Variants in SYN3 observed in about 807,000 individuals in gnomAD.
SYN3 encodes the protein synapsin III.
In SYN3, 35 loss-of-function variants were observed where a neutral mutation model predicts 65.8. That is an observed-to-expected ratio of 0.53 (90% confidence interval 0.41 to 0.70). The LOEUF (loss-of-function observed/expected upper bound fraction) is 0.70. Among genes scored for constraint, SYN3 ranks in the 30% least tolerant of loss-of-function variants. The pLI, the probability that SYN3 is intolerant of heterozygous loss-of-function variation, is 0.00. For missense variants in SYN3, 680 were observed against 749.0 expected (o/e 0.91, Z 1.08); for synonymous variants, 270 against 292.9 (o/e 0.92, Z 0.80).
At chr22:32,970,431 C>T (rs552339120) in intron 3 of SYN3, among the ~76,000 whole-genome samples, 6 of 148,684 alleles carry the variant, frequency 4.0e-5, no homozygotes, top group African/African-American at 1.5e-4. Flanking sequence ...CACTTGAGCC[C>T]AGGAATTCAA....
At chr22:32,651,416 G>A (rs1043978756) in intron 6 of SYN3, among the ~76,000 whole-genome samples, 3 of 152,136 alleles carry the variant, frequency 2.0e-5, no homozygotes, top group Admixed American at 2.0e-4. Context: ...TGGCCTCTGG[G>A]TAGGGTTGTT....
intron 2 of SYN3, among the ~76,000 whole-genome samples, chr22:33,003,136 T>C (rs1306806806): frequency 6.6e-6 from 1 of 152,228 alleles, no homozygotes; most frequent in Non-Finnish European, 1.5e-5. Context: ...TTAAACCCGT[T>C]TTCCTTTATA....
At chr22:32,863,486 AG>A (rs1237376424) in intron 6 of SYN3, among the ~76,000 whole-genome samples, 1 of 152,134 alleles carries the variant, frequency 6.6e-6, no homozygotes, top group East Asian at 1.9e-4. Flanking sequence ...TGGGAACACC[AG>A]GAACTCATGA....
At chr22:32,897,679 G>A (rs2049632702) in intron 4 of SYN3, among the ~76,000 whole-genome samples, 1 of 152,188 alleles carries the variant, frequency 6.6e-6, no homozygotes, top group Non-Finnish European at 1.5e-5. Context: ...TGTGGAAAAT[G>A]AAGATCATAA....
At chr22:32,861,004 G>A (rs951822383) in intron 6 of SYN3, 2 of 151,546 alleles carry the variant, frequency 1.3e-5, no homozygotes, top group Non-Finnish European at 2.9e-5. Flanking sequence ...GTGAGATGCT[G>A]AGAGTAGGTG....
At chr22:32,798,258 C>T (rs1244907770) in intron 6 of SYN3, among the ~76,000 whole-genome samples, 1 of 152,050 alleles carries the variant, frequency 6.6e-6, no homozygotes, top group Non-Finnish European at 1.5e-5. Context: ...TGTACAAAGA[C>T]TCAAACGAAT....
chr22:32,597,969 A>G (rs1027986282), intron 6 of SYN3, among the ~76,000 whole-genome samples: 4 of 152,096 alleles, frequency 2.6e-5, no homozygotes, highest in African/African-American at 4.8e-5. Context: ...TCCCCCTTTC[A>G]TGTTGTTCAT....
chr22:32,591,235 T>A (rs961145883), intron 7 of SYN3, among the ~76,000 whole-genome samples: 10 of 147,740 alleles, frequency 6.8e-5, no homozygotes, highest in Admixed American at 5.4e-4. Context: ...TGGCTGCATT[T>A]AAAAAAAAAA....
intron 3 of SYN3, among the ~76,000 whole-genome samples, chr22:32,934,046 A>G (rs1200276133): frequency 6.6e-6 from 1 of 152,206 alleles, no homozygotes; most frequent in Non-Finnish European, 1.5e-5. Context: ...ACTGTGAATG[A>G]GTCCAGGTTA....
chr22:32,523,461 T>C lies in SYN3; in HGVS notation c.1318+4457A>G, dbSNP rs1191767754. Among the ~76,000 whole-genome samples, 4 of 152,138 alleles carry C rather than the reference T, an allele frequency of 2.6e-5. No homozygotes were observed. In the East Asian group the frequency reaches 7.7e-4, roughly 29 times the overall value. On this transcript the variant is annotated intron_variant, in intron 12 of 13. Coordinates refer to ENST00000358763, the MANE Select transcript of SYN3 (RefSeq NM_003490.4). ...CCAGGAGGCAGAGGTTGCAGTGAGCTGAGATTGTGCAACTGTACTCCAGCC... is the reference window on the plus strand; with the variant it reads ...CCAGGAGGCAGAGGTTGCAGTGAGCCGAGATTGTGCAACTGTACTCCAGCC...
At chr22:32,702,331 A>T (rs2147205145) in intron 6 of SYN3, among the ~76,000 whole-genome samples, 1 of 152,188 alleles carries the variant, frequency 6.6e-6, no homozygotes, top group East Asian at 1.9e-4. Context: ...CAAAAAAATT[A>T]GCCGGGCGTG....
chr22:32,981,809 A>G (rs2052382672), intron 2 of SYN3, among the ~76,000 whole-genome samples: 1 of 152,162 alleles, frequency 6.6e-6, no homozygotes, highest in South Asian at 2.1e-4. Flanking sequence ...AAGGATGTTT[A>G]TAGTGTTTTA....
At chr22:32,792,338 T>A (rs1448289656) in intron 6 of SYN3, among the ~76,000 whole-genome samples, 1 of 152,166 alleles carries the variant, frequency 6.6e-6, no homozygotes, top group East Asian at 1.9e-4. Flanking sequence ...TTTTGAGAGA[T>A]CGTTAAATCC....
At chr22:32,723,436 C>T (rs2061147316) in intron 6 of SYN3, among the ~76,000 whole-genome samples, 1 of 152,188 alleles carries the variant, frequency 6.6e-6, no homozygotes, top group East Asian at 1.9e-4. Context: ...TGGGGACTGC[C>T]TAGAATCTGG....
chr22:32,676,698 G>A (rs1468658702), intron 6 of SYN3, among the ~76,000 whole-genome samples: 16 of 133,458 alleles, frequency 1.2e-4, no homozygotes, highest in African/African-American at 2.9e-5. Flanking sequence ...CACCACTCCC[G>A]GTTAATTTTT....
intron 3 of SYN3, among the ~76,000 whole-genome samples, chr22:32,966,692 A>T (rs544825353): frequency 4.1e-4 from 62 of 152,258 alleles, no homozygotes; most frequent in African/African-American, 1.4e-3. Flanking sequence ...AGCTGTGGGG[A>T]CCACTTGAGC....
At chr22:32,898,439 G>A (rs373706206) in intron 4 of SYN3, among the ~76,000 whole-genome samples, 29 of 152,268 alleles carry the variant, frequency 1.9e-4, no homozygotes, top group African/African-American at 5.3e-4. Flanking sequence ...CCTTTCTCCC[G>A]TTGGTAATCA....
chr22:32,719,780 T>C lies in SYN3; in HGVS notation c.712-123044A>G, dbSNP rs578189252. On this transcript the variant is annotated intron_variant, in intron 6 of 13. Transcript: ENST00000358763. Reference sequence around the variant, plus strand: ...GGAGGATGGCTTTAGCCTAGGAGTTTGAGGTTATAGTGAGCTATGACTGCA... The same window carrying C: ...GGAGGATGGCTTTAGCCTAGGAGTTCGAGGTTATAGTGAGCTATGACTGCA... 1.8e-4 allele frequency among the ~76,000 whole-genome samples: 28 copies of C among 152,194 alleles called. No individual in the cohort carries two copies. In the South Asian group the frequency reaches 3.7e-3, roughly 20 times the overall value.
At chr22:32,994,348 G>A (rs890393384) in intron 2 of SYN3, among the ~76,000 whole-genome samples, 2 of 152,122 alleles carry the variant, frequency 1.3e-5, no homozygotes, top group Admixed American at 1.3e-4. Flanking sequence ...GGTGCCCAGA[G>A]GGAGAGGAAT....
Sources: gnomAD v4.1 joint callset for allele counts (sites outside exome capture counted in the v4.1 genomes callset) on GRCh38, gnomAD v4.1.1 for gene constraint, MANE v1.5 for transcripts, NCBI Gene and HGNC (gene_info 2026-07-23, HGNC 2026-07-21) for gene names.